Variants in MTMR7 observed in about 807,000 individuals in gnomAD.
MTMR7 encodes the protein myotubularin related protein 7.
In MTMR7, 76 loss-of-function variants were observed where a neutral mutation model predicts 81.2. The ratio of observed to expected loss-of-function variants is 0.94; its 90% CI spans 0.78 to 1.13. MTMR7 has a LOEUF of 1.13. MTMR7 is among the 50% of genes most tolerant of loss of function. MTMR7 has a pLI of 0.00. For synonymous variants in MTMR7, 372 were observed against 289.8 expected, an observed-to-expected ratio of 1.28 and a Z score of -2.88; for missense variants, 1,044 against 820.0, an observed-to-expected ratio of 1.27 and a Z score of -3.34.
chr8:17,401,134 G>T (rs1185495999), intron 1 of MTMR7, among the ~76,000 whole-genome samples: 1 of 152,100 alleles, frequency 6.6e-6, no homozygotes, highest in Non-Finnish European at 1.5e-5. Context: ...AGGTGTGTAT[G>T]TATGTTACAG....
At chr8:17,366,742 C>T (rs1001795870) in intron 3 of MTMR7, among the ~76,000 whole-genome samples, 6 of 151,734 alleles carry the variant, frequency 4.0e-5, no homozygotes, top group Admixed American at 6.6e-5. Context: ...AAAAATTAAC[C>T]GGGCGTGGTG....
chr8:17,307,530 T>A (rs1817533337), intron 10 of MTMR7, among the ~76,000 whole-genome samples: 1 of 152,150 alleles, frequency 6.6e-6, no homozygotes, highest in Non-Finnish European at 1.5e-5. Context: ...GCCATCCCAT[T>A]ACTGGGTATA....
intron 1 of MTMR7, among the ~76,000 whole-genome samples, chr8:17,379,950 A>T (rs1330176362): frequency 3.9e-5 from 6 of 152,182 alleles, no homozygotes; most frequent in African/African-American, 1.2e-4. Flanking sequence ...GCTATATACC[A>T]TAACGCACTG....
At chr8:17,308,569 C>T (rs991120762) in intron 10 of MTMR7, among the ~76,000 whole-genome samples, 1 of 152,132 alleles carries the variant, frequency 6.6e-6, no homozygotes, top group Non-Finnish European at 1.5e-5. Flanking sequence ...ACTAATGAAA[C>T]TTGCTGCCTA....
chr8:17,410,368 T>C (rs17631751), intron 1 of MTMR7, among the ~76,000 whole-genome samples: 8,813 of 152,204 alleles, frequency 0.058, 523 homozygotes, highest in East Asian at 0.34. Flanking sequence ...CCAAACTAAA[T>C]CCTACAAACA....
intron 5 of MTMR7, among the ~76,000 whole-genome samples, chr8:17,348,303 C>T (rs1293515180): frequency 6.6e-6 from 1 of 151,710 alleles, no homozygotes; most frequent in African/African-American, 2.4e-5. Flanking sequence ...TTTGTGAGGC[C>T]GAGGCAGGTG....
chr8:17,387,692 T>C (rs1439151292), intron 1 of MTMR7, among the ~76,000 whole-genome samples: 1 of 152,222 alleles, frequency 6.6e-6, no homozygotes, highest in Non-Finnish European at 1.5e-5. Context: ...TCTACAGATT[T>C]TGGAGCCACC....
intron 1 of MTMR7, among the ~76,000 whole-genome samples, chr8:17,411,028 G>A (rs1451774226): frequency 6.6e-6 from 1 of 152,152 alleles, no homozygotes; most frequent in African/African-American, 2.4e-5. Flanking sequence ...TAATAAAGAT[G>A]AATATGACCA....
chr8:17,305,637 G>C (rs1345498824), intron 11 of MTMR7, 120 bp downstream of exon 11: 2 of 754,354 alleles, frequency 2.7e-6, no homozygotes, highest in African/African-American at 3.6e-5. Context: ...AAACTAATCT[G>C]TCAGTATAGG....
intron 4 of MTMR7, among the ~76,000 whole-genome samples, chr8:17,352,960 G>C (rs1004490810): frequency 6.6e-6 from 1 of 152,076 alleles, no homozygotes; most frequent in African/African-American, 2.4e-5. Flanking sequence ...ATGCCCAAAG[G>C]ACTTGAAAGC....
intron 7 of MTMR7, among the ~76,000 whole-genome samples, chr8:17,315,742 T>C (rs866590217): frequency 6.6e-6 from 1 of 152,030 alleles, no homozygotes; most frequent in Non-Finnish European, 1.5e-5. Flanking sequence ...CTGGGCACAG[T>C]GCCTCACACC....
At chr8:17,347,019 C>G (rs780951619) in intron 5 of MTMR7, among the ~76,000 whole-genome samples, 4 of 151,504 alleles carry the variant, frequency 2.6e-5, no homozygotes, top group African/African-American at 4.8e-5. Flanking sequence ...ACATGGCTTT[C>G]CTCGTCTCTA....
intron 1 of MTMR7, among the ~76,000 whole-genome samples, chr8:17,409,183 G>A (rs1021519264): frequency 6.6e-6 from 1 of 152,150 alleles, no homozygotes; most frequent in Admixed American, 6.5e-5. Context: ...ATGAGGCTGG[G>A]CACAGTGGCT....
chr8:17,324,362 T>C (rs1017641951), intron 7 of MTMR7, among the ~76,000 whole-genome samples: 1 of 152,138 alleles, frequency 6.6e-6, no homozygotes, highest in Non-Finnish European at 1.5e-5. Flanking sequence ...CCCTACAGGG[T>C]AGATGCACTC....
intron 1 of MTMR7, among the ~76,000 whole-genome samples, chr8:17,380,699 G>A (rs1039845893): frequency 2.6e-5 from 4 of 152,154 alleles, no homozygotes; most frequent in Non-Finnish European, 4.4e-5. Flanking sequence ...TCAAAGCCAC[G>A]TTCATCCTTC....
At chr8:17,302,073 G>C (rs1390869670) in intron 13 of MTMR7, 81 bp downstream of exon 13, 2 of 1,569,820 alleles carry the variant, frequency 1.3e-6, no homozygotes, top group South Asian at 1.1e-5. Context: ...GTATTGCACT[G>C]AATCTTAAGA....
intron 7 of MTMR7, among the ~76,000 whole-genome samples, chr8:17,328,247 G>C (rs1818797329): frequency 6.6e-6 from 1 of 152,098 alleles, no homozygotes; most frequent in Non-Finnish European, 1.5e-5. Flanking sequence ...TCCCAGTGGG[G>C]CACACCCTCA....
intron 9 of MTMR7, 87 bp downstream of exon 9, chr8:17,311,424 A>C: frequency 6.4e-7 from 1 of 1,558,546 alleles, no homozygotes; most frequent in Non-Finnish European, 8.7e-7. Context: ...GCTGGCAAGA[A>C]AACAGCAGTT....
At chr8:17,336,721 C>G (rs1819249206) in intron 6 of MTMR7, among the ~76,000 whole-genome samples, 4 of 152,204 alleles carry the variant, frequency 2.6e-5, no homozygotes. Flanking sequence ...CTGCCTCGCC[C>G]TCGGCCCTTC....
Sources: gnomAD v4.1 joint callset for allele counts (sites outside exome capture counted in the v4.1 genomes callset) on GRCh38, gnomAD v4.1.1 for gene constraint, MANE v1.5 for transcripts, NCBI Gene and HGNC (gene_info 2026-07-23, HGNC 2026-07-21) for gene names.